Variants in GABRB3 observed in about 807,000 individuals in gnomAD.
GABRB3 encodes gamma-aminobutyric acid type A receptor subunit beta3.
A neutral mutation model predicts 52.1 loss-of-function variants in GABRB3; 14 were observed. That is an observed-to-expected ratio of 0.27 (90% CI 0.18 to 0.42). The LOEUF is 0.42. Ranked by LOEUF, GABRB3 falls within the 10% of genes least tolerant of loss-of-function variation. The pLI is 1.00. For missense variants in GABRB3, 307 were observed against 609.1 expected (o/e 0.50, Z 5.22); for synonymous variants, 260 against 232.3 (o/e 1.12, Z -1.08).
intron 4 of GABRB3, among the ~76,000 whole-genome samples, chr15:26,618,317 G>A (rs1220809284): frequency 6.6e-6 from 1 of 151,660 alleles, no homozygotes; most frequent in Non-Finnish European, 1.5e-5. Flanking sequence ...CCAAAACAGA[G>A]ATATAGATCA....
intron 3 of GABRB3, among the ~76,000 whole-genome samples, chr15:26,628,265 ATC>A (rs371487312): frequency 2.0e-5 from 3 of 152,380 alleles, no homozygotes; most frequent in African/African-American, 7.2e-5. Context: ...AACCTGCAGT[ATC>A]TCTGAGGGTG....
At chr15:26,643,003 C>T (rs1337107341) in intron 3 of GABRB3, among the ~76,000 whole-genome samples, 2 of 152,156 alleles carry the variant, frequency 1.3e-5, no homozygotes, top group African/African-American at 4.8e-5. Flanking sequence ...CACCATCTCA[C>T]AAGTCTTTCC....
intron 3 of GABRB3, among the ~76,000 whole-genome samples, chr15:26,693,732 C>T (rs1377597540): frequency 6.6e-6 from 1 of 152,170 alleles, no homozygotes; most frequent in Non-Finnish European, 1.5e-5. Flanking sequence ...TCATAGCTCA[C>T]TAAGAGGGGA....
At chr15:26,622,366 C>A (rs1368489893) in intron 3 of GABRB3, among the ~76,000 whole-genome samples, 1 of 138,258 alleles carries the variant, frequency 7.2e-6, no homozygotes, top group Non-Finnish European at 1.6e-5. Context: ...AAAAGAAATT[C>A]TCTTTTTGTT....
intron 3 of GABRB3, among the ~76,000 whole-genome samples, chr15:26,628,498 TG>T (rs1308646806): frequency 6.6e-6 from 1 of 152,160 alleles, no homozygotes; most frequent in East Asian, 1.9e-4. Context: ...AAGCCACTTC[TG>T]GGAAGGATGA....
chr15:26,646,900 G>A (rs1334953717), intron 3 of GABRB3, among the ~76,000 whole-genome samples: 1 of 152,168 alleles, frequency 6.6e-6, no homozygotes, highest in Non-Finnish European at 1.5e-5. Context: ...CTGGAGTGCA[G>A]TGGTGCGATC....
chr15:26,701,179 C>T (rs1171885969), intron 3 of GABRB3, among the ~76,000 whole-genome samples: 1 of 152,190 alleles, frequency 6.6e-6, no homozygotes, highest in Non-Finnish European at 1.5e-5. Context: ...GACTGCTTTC[C>T]TTCTAAATCA....
At chr15:26,756,196 G>A (rs982961063) in intron 3 of GABRB3, among the ~76,000 whole-genome samples, 2 of 151,956 alleles carry the variant, frequency 1.3e-5, no homozygotes. Flanking sequence ...TTTTGTAGAA[G>A]CAGTCAAAGA....
chr15:26,701,189 A>G (rs916539870), intron 3 of GABRB3, among the ~76,000 whole-genome samples: 10 of 152,246 alleles, frequency 6.6e-5, no homozygotes, highest in Non-Finnish European at 1.5e-4. Flanking sequence ...CTTCTAAATC[A>G]GGAACAAGAC....
chr15:26,656,115 T>C (rs940550347), intron 3 of GABRB3, among the ~76,000 whole-genome samples: 1 of 152,158 alleles, frequency 6.6e-6, no homozygotes, highest in Admixed American at 6.5e-5. Context: ...AGTGGTCAGA[T>C]AGAGCTTGCC....
chr15:26,706,438 G>GTTT (rs11426648), intron 3 of GABRB3, among the ~76,000 whole-genome samples: 3 of 149,966 alleles, frequency 2.0e-5, no homozygotes, highest in Admixed American at 6.6e-5. Context: ...AAATTGAGGG[G>GTTT]TTTTTTTTTT....
At chr15:26,641,544 G>A (rs1190435057) in intron 3 of GABRB3, among the ~76,000 whole-genome samples, 1 of 152,252 alleles carries the variant, frequency 6.6e-6, no homozygotes, top group East Asian at 1.9e-4. Flanking sequence ...TTAGAATGAA[G>A]GTTTCCAGCA....
chr15:26,649,129 G>A (rs148396914), intron 3 of GABRB3, among the ~76,000 whole-genome samples: 159 of 152,306 alleles, frequency 1.0e-3, no homozygotes, highest in Non-Finnish European at 1.7e-3. Context: ...GCATTGCTAC[G>A]ATATGCGTGT....
intron 3 of GABRB3, among the ~76,000 whole-genome samples, chr15:26,663,970 A>G (rs1887625999): frequency 6.6e-6 from 1 of 152,224 alleles, no homozygotes; most frequent in Non-Finnish European, 1.5e-5. Flanking sequence ...AACACTTCAA[A>G]CAAAATTTAA....
chr15:26,672,509 G>A (rs67457451), intron 3 of GABRB3, among the ~76,000 whole-genome samples: 38,712 of 151,932 alleles, frequency 0.25, 5,671 homozygotes, highest in Middle Eastern at 0.44. Flanking sequence ...TCTCCTTTGC[G>A]TATTCACTTC....
intron 5 of GABRB3, among the ~76,000 whole-genome samples, chr15:26,582,526 G>A (rs996218611): frequency 2.6e-5 from 4 of 152,098 alleles, no homozygotes; most frequent in South Asian, 2.1e-4. Flanking sequence ...CAGAAAACAC[G>A]ACAGTGATGT....
At chr15:26,759,618 T>G (rs1890758482) in intron 3 of GABRB3, among the ~76,000 whole-genome samples, 1 of 152,194 alleles carries the variant, frequency 6.6e-6, no homozygotes, top group East Asian at 1.9e-4. Flanking sequence ...TTATCTGCAT[T>G]AAATGCTGGC....
At chr15:26,711,428 T>A (rs947396239) in intron 3 of GABRB3, among the ~76,000 whole-genome samples, 1 of 151,242 alleles carries the variant, frequency 6.6e-6, no homozygotes, top group South Asian at 2.1e-4. Context: ...TACAGCTTCG[T>A]GACGGATGTG....
intron 4 of GABRB3, among the ~76,000 whole-genome samples, chr15:26,606,801 T>G (rs77195045): frequency 7.7e-4 from 38 of 49,084 alleles, no homozygotes; most frequent in Non-Finnish European, 1.5e-3. Context: ...TAGATAGATA[T>G]ATCTATAGAT....
Sources: allele counts gnomAD v4.1 joint callset (sites outside exome capture counted in the v4.1 genomes callset), GRCh38; gene constraint gnomAD v4.1.1; transcripts MANE v1.5; gene names NCBI Gene and HGNC (gene_info 2026-07-23, HGNC 2026-07-21).